FGGY: variants seen among roughly 807,000 people sequenced by gnomAD.
The protein encoded by FGGY is FGGY carbohydrate kinase domain containing, also known as FGGY carbohydrate kinase domain-containing protein.
A neutral mutation model predicts 71.3 loss-of-function variants in FGGY; 72 were observed. That is an observed-to-expected ratio of 1.01 (90% confidence interval 0.84 to 1.23). FGGY has a LOEUF of 1.23. Ranked by LOEUF, FGGY falls within the 50% of genes most tolerant of loss-of-function variation. FGGY has a pLI of 0.00. For synonymous variants in FGGY, 251 were observed against 250.3 expected (o/e 1.00, Z -0.02); for missense variants, 668 against 682.3 (o/e 0.98, Z 0.23).
At chr1:59,330,535 C>T (rs1423178677) in intron 2 of FGGY, among the ~76,000 whole-genome samples, 2 of 150,614 alleles carry the variant, frequency 1.3e-5, no homozygotes, top group African/African-American at 2.4e-5. Flanking sequence ...CAGCACTGCC[C>T]TCCAGCCTGG....
chr1:59,605,493 A>G (rs1248725636), intron 8 of FGGY, among the ~76,000 whole-genome samples: 1 of 152,192 alleles, frequency 6.6e-6, no homozygotes, highest in Non-Finnish European at 1.5e-5. Flanking sequence ...CTCAGGAAAC[A>G]TCTGTTAACC....
At chr1:59,602,011 ATG>A (rs960784723) in intron 8 of FGGY, among the ~76,000 whole-genome samples, 10 of 152,220 alleles carry the variant, frequency 6.6e-5, no homozygotes, top group Middle Eastern at 3.2e-3. Context: ...AGCCCAGGCC[ATG>A]TGAGGGCAGA....
intron 8 of FGGY, among the ~76,000 whole-genome samples, chr1:59,556,271 G>A (rs1331955843): frequency 1.3e-5 from 2 of 152,078 alleles, no homozygotes; most frequent in African/African-American, 4.8e-5. Flanking sequence ...TGAATCTCAG[G>A]CATTTTTACC....
At chr1:59,404,288 G>T (rs949273189) in intron 5 of FGGY, among the ~76,000 whole-genome samples, 3 of 152,010 alleles carry the variant, frequency 2.0e-5, no homozygotes, top group Admixed American at 2.0e-4. Context: ...TGGGTTGATG[G>T]ATGCAGCAAT....
chr1:59,368,576 G>C (rs1359475714), intron 4 of FGGY, among the ~76,000 whole-genome samples: 2 of 152,242 alleles, frequency 1.3e-5, no homozygotes, highest in Non-Finnish European at 2.9e-5. Flanking sequence ...GGAGGACTTA[G>C]AGGACGATCA....
chr1:59,585,841 C>CGAT (rs1355677614), intron 8 of FGGY, among the ~76,000 whole-genome samples: 1 of 152,062 alleles, frequency 6.6e-6, no homozygotes, highest in Non-Finnish European at 1.5e-5. Flanking sequence ...ACCCCATCAA[C>CGAT]AATTGGGTGA....
intron 14 of FGGY, among the ~76,000 whole-genome samples, chr1:59,688,327 C>T (rs1406589046): frequency 1.3e-5 from 2 of 152,198 alleles, no homozygotes; most frequent in East Asian, 3.8e-4. Flanking sequence ...TACCCAAAGT[C>T]ACACTGCAAT....
At position 59,503,454 on chromosome 1, in the gene FGGY, AT is replaced by A. The variant is rs142705610; in HGVS notation, c.671-8854del. On this transcript the variant is annotated intron_variant, in intron 6 of 15. Coordinates refer to ENST00000303721, the MANE Select transcript of FGGY (RefSeq NM_018291.5). The stretch of plus-strand genomic sequence containing the variant: ...AACCAGACTTGACCAGGCAAAGAGA[AT>A]TTGAGAACCTCTATTTCACTAAAAA... Among the ~76,000 whole-genome samples the A allele has an allele frequency of 9.4e-3, 1,431 of 151,942 alleles. 18 individuals are homozygous for A. Among genetic ancestry groups the A allele is most frequent in the African/African-American group, 0.033 (1,363 of 41,430 alleles).
At chr1:59,499,347 C>G (rs943305910) in intron 6 of FGGY, among the ~76,000 whole-genome samples, 3 of 129,076 alleles carry the variant, frequency 2.3e-5, no homozygotes, top group Non-Finnish European at 4.6e-5. Context: ...ACTAAGCGGA[C>G]GACAGGGAGG....
chr1:59,313,968 CT>C (rs1028016223), intron 1 of FGGY, among the ~76,000 whole-genome samples: 55 of 145,692 alleles, frequency 3.8e-4, no homozygotes, highest in African/African-American at 4.0e-4. Context: ...TTTTTTTTTT[CT>C]TTTTTTTTTT....
intron 11 of FGGY, among the ~76,000 whole-genome samples, chr1:59,645,809 T>A (rs1032558205): frequency 2.6e-5 from 4 of 152,202 alleles, no homozygotes; most frequent in African/African-American, 9.7e-5. Flanking sequence ...TATTCATCAT[T>A]GGTTGAAACA....
chr1:59,339,430 A>G (rs2050210288), intron 2 of FGGY, among the ~76,000 whole-genome samples: 1 of 151,580 alleles, frequency 6.6e-6, no homozygotes, highest in African/African-American at 2.4e-5. Flanking sequence ...GTGACTTTTT[A>G]TTCCTTTGCT....
chr1:59,688,974 T>C (rs1238617441), intron 14 of FGGY, among the ~76,000 whole-genome samples: 1 of 152,128 alleles, frequency 6.6e-6, no homozygotes, highest in Non-Finnish European at 1.5e-5. Flanking sequence ...GGTCTCGAAC[T>C]CCTGACCTCA....
At chr1:59,406,383 TG>T (rs1433282698) in intron 5 of FGGY, among the ~76,000 whole-genome samples, 1 of 152,108 alleles carries the variant, frequency 6.6e-6, no homozygotes, top group Non-Finnish European at 1.5e-5. Context: ...TTGTGCTTTT[TG>T]TTGGCGATTT....
chr1:59,344,197 T>C (rs953129870), intron 3 of FGGY, among the ~76,000 whole-genome samples: 3 of 152,164 alleles, frequency 2.0e-5, no homozygotes, highest in African/African-American at 4.8e-5. Context: ...TATAATGGTT[T>C]GTGGAGCTTT....
At chr1:59,747,855 G>C (rs2098213471) in intron 14 of FGGY, among the ~76,000 whole-genome samples, 1 of 152,178 alleles carries the variant, frequency 6.6e-6, no homozygotes, top group South Asian at 2.1e-4. Context: ...AAAATAAATT[G>C]TCATGAACTA....
chr1:59,644,791 C>T (rs928275060), intron 11 of FGGY, among the ~76,000 whole-genome samples: 5 of 152,082 alleles, frequency 3.3e-5, no homozygotes, highest in Non-Finnish European at 5.9e-5. Context: ...TCCTGGCCAA[C>T]ATGGTGAAAC....
intron 5 of FGGY, among the ~76,000 whole-genome samples, chr1:59,456,740 G>A (rs2091737140): frequency 6.6e-6 from 1 of 152,216 alleles, no homozygotes; most frequent in African/African-American, 2.4e-5. Context: ...GTGCCACTGT[G>A]CCCAGCCAGG....
chr1:59,405,601 G>A (rs1344699297), intron 5 of FGGY, among the ~76,000 whole-genome samples: 1 of 152,146 alleles, frequency 6.6e-6, no homozygotes, highest in Non-Finnish European at 1.5e-5. Flanking sequence ...CATAAAATAA[G>A]ATTTTTTTTT....
Sources: allele counts gnomAD v4.1 joint callset (sites outside exome capture counted in the v4.1 genomes callset), GRCh38; gene constraint gnomAD v4.1.1; transcripts MANE v1.5; gene names NCBI Gene and HGNC (gene_info 2026-07-23, HGNC 2026-07-21).